CAPSL: variants seen among roughly 807,000 people sequenced by gnomAD.
CAPSL encodes the protein calcyphosin-like protein.
Under a neutral mutation model 21.3 loss-of-function variants are expected in CAPSL, and 17 were observed. The observed-to-expected ratio is 0.80, with a 90% CI of 0.55 to 1.20. CAPSL has a LOEUF of 1.20. Ranked by LOEUF, CAPSL falls within the 50% of genes most tolerant of loss-of-function variation. The probability of loss-of-function intolerance (pLI) is 0.00; values close to 1 mark genes in which losing one functional copy is unlikely to be tolerated. For missense variants in CAPSL, 289 were observed against 259.3 expected (o/e 1.11, Z -0.79); for synonymous variants, 102 against 89.3 (o/e 1.14, Z -0.80).
chr5:35,907,910 A>G (rs1760715434), intron 4 of CAPSL, among the ~76,000 whole-genome samples: 1 of 152,202 alleles, frequency 6.6e-6, no homozygotes, highest in South Asian at 2.1e-4. Flanking sequence ...GAGTTCCTCT[A>G]CAACAACAAT....
chr5:35,927,966 A>G (rs1738726643), intron 1 of CAPSL, among the ~76,000 whole-genome samples: 1 of 152,190 alleles, frequency 6.6e-6, no homozygotes, highest in Non-Finnish European at 1.5e-5. Context: ...ACAAAATACC[A>G]TAGATGGGGT....
intron 2 of CAPSL, among the ~76,000 whole-genome samples, chr5:35,913,293 T>G (rs1738282250): frequency 1.3e-5 from 2 of 152,156 alleles, no homozygotes; most frequent in East Asian, 3.8e-4. Flanking sequence ...AGCAGGATAT[T>G]TTCCAGGAGA....
In CAPSL at chr5:35,910,011, C is replaced by G; in HGVS notation, c.380G>C (p.Gly127Ala). 6.2e-7 allele frequency: 1 copy of G among 1,613,636 alleles called. No individual in the cohort carries two copies. The highest frequency in any genetic ancestry group is 8.5e-7 in the Non-Finnish European group (1 of 1,179,870). Residue 127 changes from glycine to alanine, a missense_variant, in exon 4 of 5, where the codon GGA (glycine) becomes GCA (alanine). Gly to Ala is a moderately conservative substitution (Grantham distance 60). Transcript: ENST00000651391. ...GTCTTCGATTGTTATAACACCATCT[C>G]CAGTCTTGTCTAACTTTCTAAAAGC... Reference protein sequence around the residue: ...MQAFRKLDKTGDGVITIEDLR... With the variant: ...MQAFRKLDKTADGVITIEDLR...
At chr5:35,925,791 T>TTC (rs1206814274) in intron 1 of CAPSL, among the ~76,000 whole-genome samples, 1 of 152,092 alleles carries the variant, frequency 6.6e-6, no homozygotes, top group African/African-American at 2.4e-5. Flanking sequence ...CCACAAAGTC[T>TTC]TCTGGCCGGG....
chr5:35,927,753 G>A (rs1177167821), intron 1 of CAPSL, among the ~76,000 whole-genome samples: 1 of 152,174 alleles, frequency 6.6e-6, no homozygotes. Context: ...GGTATGAGAA[G>A]AGATATACAA....
chr5:35,926,306 G>A (rs950333042), intron 1 of CAPSL, among the ~76,000 whole-genome samples: 3 of 152,110 alleles, frequency 2.0e-5, no homozygotes, highest in Admixed American at 6.5e-5. Flanking sequence ...TGTTGCTTGC[G>A]CTCTCCACTC....
Position 35,910,303 on chromosome 5 carries a change from T to C in CAPSL, c.315+63A>G. The C allele has an allele frequency of 2.6e-6, 4 of 1,542,328 alleles. No homozygotes were observed. In the South Asian group the frequency reaches 4.9e-5, roughly 19 times the overall value. On this transcript the variant is annotated intron_variant, in intron 3 of 4. Transcript: ENST00000651391. ...AACTTGTAAAAACAAAACCTCAAGG[T>C]AGCCAACCCAAACCACGTGAAAGCC...
At chr5:35,907,411 A>T (rs1225879367) in intron 4 of CAPSL, among the ~76,000 whole-genome samples, 1 of 152,228 alleles carries the variant, frequency 6.6e-6, no homozygotes, top group Admixed American at 6.5e-5. Flanking sequence ...TATAGTGATG[A>T]TAAAGTCATA....
chr5:35,921,064 G>A lies in CAPSL; in HGVS notation c.57C>T (p.Leu19=). The change falls in exon 2 of 5, where the codon CTC becomes CTT. Residue 19 remains leucine, a synonymous_variant. Coordinates refer to ENST00000651391, the MANE Select transcript of CAPSL (RefSeq NM_001042625.2). ...TTTCAATGGGGTCGGTGGCCGTGGT[G>A]AGCTTTTTCTTGGCCTGGATCGCCA... is the stretch of plus-strand genomic sequence containing the variant. ...REMAIQAKKK[L]TTATDPIERL... is the part of the protein sequence containing the mutation. The A allele has an allele frequency of 1.2e-6, 2 of 1,614,064 alleles. No homozygotes were observed. The highest frequency in any genetic ancestry group is 1.7e-6 in the Non-Finnish European group (2 of 1,180,020).
intron 2 of CAPSL, among the ~76,000 whole-genome samples, chr5:35,917,007 A>G (rs1561438796): frequency 1.3e-5 from 2 of 152,220 alleles, no homozygotes; most frequent in Admixed American, 1.3e-4. Context: ...ATGAACTCAA[A>G]CAAATTTACA....
At chr5:35,935,392 G>A (rs573561299) in intron 1 of CAPSL, among the ~76,000 whole-genome samples, 1 of 151,244 alleles carries the variant, frequency 6.6e-6, no homozygotes, top group Non-Finnish European at 1.5e-5. Flanking sequence ...GAGCGCAGTG[G>A]TGTCATCATA....
At chr5:35,924,357 G>T (rs1738612752) in intron 1 of CAPSL, among the ~76,000 whole-genome samples, 1 of 152,124 alleles carries the variant, frequency 6.6e-6, no homozygotes. Context: ...GGCTCTTTCT[G>T]CTTCATCATG....
At chr5:35,905,119 T>C (rs912422628) in intron 4 of CAPSL, among the ~76,000 whole-genome samples, 1 of 152,078 alleles carries the variant, frequency 6.6e-6, no homozygotes, top group Non-Finnish European at 1.5e-5. Flanking sequence ...CGCTCCCGGG[T>C]TGCATGCTTT....
chr5:35,913,010 T>C (rs1483179336), intron 2 of CAPSL, among the ~76,000 whole-genome samples: 1 of 151,872 alleles, frequency 6.6e-6, no homozygotes, highest in Non-Finnish European at 1.5e-5. Context: ...GAGAAGTCCT[T>C]AAAGGACCTG....
At chr5:35,911,303 G>A (rs992302418) in intron 2 of CAPSL, among the ~76,000 whole-genome samples, 2 of 152,234 alleles carry the variant, frequency 1.3e-5, no homozygotes, top group Non-Finnish European at 2.9e-5. Flanking sequence ...GAAAAGGGAA[G>A]CAACTTTACA....
chr5:35,905,369 T>A (rs903482814), intron 4 of CAPSL, among the ~76,000 whole-genome samples: 3 of 152,170 alleles, frequency 2.0e-5, no homozygotes, highest in Non-Finnish European at 4.4e-5. Context: ...AATTTAATCA[T>A]GTTGGTTGAC....
intron 1 of CAPSL, among the ~76,000 whole-genome samples, chr5:35,927,074 G>A (rs372946868): frequency 2.2e-4 from 33 of 152,304 alleles, no homozygotes; most frequent in African/African-American, 7.2e-4. Flanking sequence ...CTTGAGGAGG[G>A]GAAAGGAGGC....
chr5:35,908,392 T>G (rs1344319491), intron 4 of CAPSL, among the ~76,000 whole-genome samples: 4 of 152,254 alleles, frequency 2.6e-5, no homozygotes, highest in African/African-American at 7.2e-5. Flanking sequence ...ATAACCTTTA[T>G]GAGCTTTTGA....
intron 2 of CAPSL, among the ~76,000 whole-genome samples, chr5:35,914,896 CTT>C (rs1738331271): frequency 6.6e-6 from 1 of 152,122 alleles, no homozygotes; most frequent in African/African-American, 2.4e-5. Flanking sequence ...ACAAAAAACT[CTT>C]CAAAAAATCA....
Sources: allele counts gnomAD v4.1 joint callset (sites outside exome capture counted in the v4.1 genomes callset), GRCh38; gene constraint gnomAD v4.1.1; transcripts MANE v1.5; gene names NCBI Gene and HGNC (gene_info 2026-07-23, HGNC 2026-07-21).